Variants in GPAA1 observed in about 807,000 individuals in gnomAD.
The protein encoded by GPAA1 is glycosylphosphatidylinositol anchor attachment 1, also known as GPI-anchor transamidase component GPAA1.
Under a neutral mutation model 64.0 loss-of-function variants are expected in GPAA1, and 54 were observed. The ratio of observed to expected loss-of-function variants is 0.84; its 90% CI spans 0.68 to 1.06. The LOEUF (loss-of-function observed/expected upper bound fraction) is 1.06, where lower values mean the gene tolerates loss of function less well. Among genes scored for constraint, GPAA1 ranks in the 50% least tolerant of loss-of-function variants. GPAA1 has a pLI of 0.00. For synonymous variants in GPAA1, 393 were observed against 377.3 expected (o/e 1.04, Z -0.48); for missense variants, 780 against 822.3 (o/e 0.95, Z 0.63).
At chr8:144,082,830 G>A in intron 1 of GPAA1, 26 bp downstream of exon 1, 1 of 1,381,964 alleles carries the variant, frequency 7.2e-7, no homozygotes, top group Non-Finnish European at 9.3e-7. Context: ...GGGGAGGCGG[G>A]GACCCGAGGG....
At position 144,083,932 on chromosome 8, in the gene GPAA1, C is replaced by T. The variant is rs782435514; in HGVS notation, c.515-7C>T. The stretch of plus-strand genomic sequence containing the variant: ...CAGACCCTGCTGATCCTGCTTCTGG[C>T]CTCCAGGGCAGATTTATTGGGCCAA... On this transcript the variant is annotated splice_polypyrimidine_tract_variant and splice_region_variant and intron_variant, in intron 4 of 11. Coordinates refer to ENST00000355091, the MANE Select transcript of GPAA1 (RefSeq NM_003801.4). 6.2e-7 allele frequency: 1 copy of T among 1,613,098 alleles called. No individual in the cohort carries two copies. The highest frequency in any genetic ancestry group is 1.1e-5 in the South Asian group (1 of 91,052).
In GPAA1 at chr8:144,083,851, C is replaced by T; in HGVS notation, c.504C>T (p.Ala168=). 9 of 1,612,842 alleles carry T rather than the reference C, an allele frequency of 5.6e-6. No individual in the cohort carries two copies. Among genetic ancestry groups the T allele is most frequent in the Non-Finnish European group, 7.6e-6 (9 of 1,180,018 alleles). Reference sequence around the variant, plus strand: ...TGGGGCTGCTGCTGGCACTGGCTGCCCACTTCCGGGGTGAGTCTCAGGGCT... The same window carrying T: ...TGGGGCTGCTGCTGGCACTGGCTGCTCACTTCCGGGGTGAGTCTCAGGGCT... The part of the protein sequence containing the change: ...QAVGLLLALA[A]HFRGQIYWAK... Residue 168 remains alanine, a synonymous_variant, in exon 4 of 12, where the codon GCC becomes GCT. Transcript: ENST00000355091.
chr8:144,084,388 C>T (rs782474668), intron 6 of GPAA1, 25 bp from the exon 7 acceptor site: 1 of 1,610,466 alleles, frequency 6.2e-7, no homozygotes, highest in African/African-American at 1.3e-5. Context: ...GAGGGGCTGT[C>T]TCATCCTGTC....
In GPAA1 at chr8:144,085,350, T is replaced by C. The variant is rs1554764205; in HGVS notation, c.1322T>C (p.Leu441Pro). 6.2e-7 allele frequency: 1 copy of C among 1,610,250 alleles called. No individual in the cohort carries two copies. Among genetic ancestry groups the C allele is most frequent in the South Asian group, 1.1e-5 (1 of 90,962 alleles). ...LLISQAMGLA[L>P]YVLPVLGQHV... ...ATCTCACAGGCCATGGGACTGGCCC[T>C]CTATGTCCTGCCAGTGCTGGGCCAA... The change falls in exon 10 of 12, where the codon CTC (leucine) becomes CCC (proline). Residue 441 changes from leucine to proline, a missense_variant. Leu to Pro is a moderately conservative substitution (Grantham distance 98). Coordinates refer to ENST00000355091, the MANE Select transcript of GPAA1 (RefSeq NM_003801.4).
rs1308675369 is a variant in GPAA1 at position 144,082,774 on chromosome 8, G to T, written c.44G>T (p.Arg15Leu). 1 of 1,466,156 alleles carries T rather than the reference G, an allele frequency of 6.8e-7. No homozygotes were observed. The allele number at this position is 1,466,156 out of a possible 1,614,324, so 90.8% of individuals were successfully genotyped here. ...CCGGTTCGCCGGCGCGCGCTCGCCCGCCTAGTGCTGCGCCTCAACGCGCCG... is the reference window on the plus strand; with the variant it reads ...CCGGTTCGCCGGCGCGCGCTCGCCCTCCTAGTGCTGCGCCTCAACGCGCCG... Reference protein sequence around the residue: ...SDPVRRRALARLVLRLNAPLC... With the variant: ...SDPVRRRALALLVLRLNAPLC... Residue 15 changes from arginine (R) to leucine (L), a missense_variant, in exon 1 of 12, where the codon CGC becomes CTC. Arg to Leu is a moderately radical substitution (Grantham distance 102). Transcript: ENST00000355091.
rs377073918 is a variant in GPAA1, at chr8:144,083,517, G to A, written c.366+17G>A. ...GAGCGCTATGTACTGGGGGAGTGGG[G>A]TGTGCCTGGGCCCAGAAAGCACCTT... On this transcript the variant is annotated intron_variant, in intron 3 of 11. Transcript: ENST00000355091. 7.2e-5 allele frequency: 114 copies of A among 1,583,764 alleles called. No homozygotes were observed. Among genetic ancestry groups the A allele is most frequent in the East Asian group, 1.6e-4 (7 of 44,750 alleles).
chr8:144,086,096 C>G lies in GPAA1; in HGVS notation c.1837C>G (p.Leu613Val), dbSNP rs781834246. 1.9e-6 allele frequency: 3 copies of G among 1,613,578 alleles called. No individual in the cohort carries two copies. The highest frequency in any genetic ancestry group is 2.2e-5 in the East Asian group (1 of 44,880). Reference sequence around the variant, plus strand: ...CCTGGGCCTCTACCCCTGCTGGCTGCTTTTCTGGAATGTGCTCTTCTGGAA... The same window carrying G: ...CCTGGGCCTCTACCCCTGCTGGCTGGTTTTCTGGAATGTGCTCTTCTGGAA... The part of the protein sequence containing the change: ...LSLGLYPCWL[L>V]FWNVLFWK Residue 613 changes from leucine to valine, a missense_variant, in exon 12 of 12, where the codon CTT (leucine) becomes GTT (valine). By Grantham distance (32) the Leu-to-Val change is conservative. Transcript: ENST00000355091.
Position 144,084,669 on chromosome 8 carries a change from G to A in GPAA1, c.1011-53G>A, listed in dbSNP as rs1373074327. 2.3e-5 allele frequency: 37 copies of A among 1,608,374 alleles called. No individual in the cohort carries two copies. In the East Asian group the frequency reaches 7.8e-4, roughly 34 times the overall value. On this transcript the variant is annotated intron_variant, in intron 7 of 11. Transcript: ENST00000355091. ...GGATGGGGTCTAGCTGGAGCGGAGT[G>A]GGGGATGGCCTGGTGGCTCTGGCCA...
chr8:144,084,419 C>T lies in GPAA1; in HGVS notation c.820C>T (p.Pro274Ser). Residue 274 changes from proline to serine, a missense_variant, in exon 7 of 12, where the codon CCC becomes TCC. By Grantham distance (74) the Pro-to-Ser change is moderately conservative. Transcript: ENST00000355091. ...LLCTLQGKLQ[P>S]EDWTSLDGPL... ...CTGTCCTGCACCTCTAAAGCTGCAG[C>T]CCGAGGACTGGACATCATTGGATGG... is the stretch of plus-strand genomic sequence containing the variant. 6.2e-7 allele frequency: 1 copy of T among 1,611,386 alleles called. No individual in the cohort carries two copies. The highest frequency in any genetic ancestry group is 8.5e-7 in the Non-Finnish European group (1 of 1,178,852).
In GPAA1 at chr8:144,083,246, G is replaced by T. The variant is rs782748731; in HGVS notation, c.197G>T (p.Gly66Val). The T allele has an allele frequency of 2.4e-5, 38 of 1,607,214 alleles. No individual in the cohort carries two copies. Among genetic ancestry groups the T allele is most frequent in the Non-Finnish European group, 3.1e-5 (36 of 1,175,812 alleles). The change falls in exon 2 of 12, where the codon GGC becomes GTC. Residue 66 changes from glycine (G) to valine (V), a missense_variant. Transcript: ENST00000355091. ...ACCATGGTGGAGGAGCAGTTTGCGG[G>T]CGGAGACCGTGCCCGGGCTTTTGCC... is the stretch of plus-strand genomic sequence containing the variant. Reference protein sequence around the residue: ...GSTMVEEQFAGGDRARAFARD... With the variant: ...GSTMVEEQFAVGDRARAFARD...
At position 144,085,478 on chromosome 8, in the gene GPAA1, C is replaced by T. The variant is rs1427293259; in HGVS notation, c.1450C>T (p.Arg484Trp). The T allele has an allele frequency of 1.4e-5, 22 of 1,603,976 alleles. No individual in the cohort carries two copies. Among genetic ancestry groups the T allele is most frequent in the Middle Eastern group, 1.7e-4 (1 of 6,056 alleles). The change falls in exon 10 of 12, where the codon CGG (arginine) becomes TGG (tryptophan). Residue 484 changes from arginine to tryptophan, a missense_variant and splice_region_variant. Coordinates refer to ENST00000355091, the MANE Select transcript of GPAA1 (RefSeq NM_003801.4). ...CCTGGCCCTGCCCCACAATACCCAC[C>T]GGTAAGAGGCTGGGCTGGTTGTTGG... is the stretch of plus-strand genomic sequence containing the variant. ...AGLALPHNTH[R>W]VVSTQAPDRG...
intron 1 of GPAA1, 122 bp from the exon 2 acceptor site, chr8:144,083,002 G>A (rs1835933394): frequency 2.1e-6 from 2 of 965,414 alleles, no homozygotes; most frequent in Non-Finnish European, 1.5e-6. Context: ...GCGTCCCGAT[G>A]CAGGACTCCG....
Position 144,085,651 on chromosome 8 carries a change from G to A in GPAA1, c.1530G>A (p.Leu510=). Residue 510 remains leucine, a synonymous_variant, in exon 11 of 12, where the codon CTG becomes CTA. Coordinates refer to ENST00000355091, the MANE Select transcript of GPAA1 (RefSeq NM_003801.4). The part of the protein sequence containing the change: ...LVALIYLALQ[L]GCIALTNFSL... ...CCCTGATCTACCTAGCACTGCAGCT[G>A]GGCTGCATCGCCCTCACCAACTTCT... 1.2e-6 allele frequency: 2 copies of A among 1,613,348 alleles called. No individual in the cohort carries two copies. Among genetic ancestry groups the A allele is most frequent in the Non-Finnish European group, 1.7e-6 (2 of 1,179,466 alleles).
At position 144,082,696 on chromosome 8, in the gene GPAA1, G is replaced by A. The variant is rs1168329481; in HGVS notation, c.-35G>A. 4.2e-6 allele frequency: 6 copies of A among 1,427,194 alleles called. No individual in the cohort carries two copies. The African/African-American group carries it at 4.5e-5, about 11-fold the overall frequency. 88.4% of individuals were successfully genotyped at this position (1,427,194 alleles called of 1,614,324 possible). On this transcript the variant is annotated 5_prime_UTR_variant, in exon 1 of 12. Transcript: ENST00000355091. ...GGCACCGCGGCGGTAGTTGGAGGCG[G>A]GAGAGGGTCCGTAGCCGCGCCGCCC...
rs1451627398 is a variant in GPAA1 at position 144,085,930 on chromosome 8, C to T, written c.1671C>T (p.Leu557=). 6.2e-7 allele frequency: 1 copy of T among 1,610,346 alleles called. No individual in the cohort carries two copies. Among genetic ancestry groups the T allele is most frequent in the African/African-American group, 1.3e-5 (1 of 75,062 alleles). The change falls in exon 12 of 12, where the codon CTC becomes CTT. Residue 557 remains leucine, a synonymous_variant. Coordinates refer to ENST00000355091, the MANE Select transcript of GPAA1 (RefSeq NM_003801.4). ...TGCTGACCAGCCCGGCAGCCACGCT[C>T]CTTGGCAGCCTGTTCCTGTGGCGGG... ...LLVLTSPAAT[L]LGSLFLWREL... is the part of the protein sequence containing the mutation.
intron 7 of GPAA1, 41 bp from the exon 8 acceptor site, chr8:144,084,681 G>C: frequency 6.2e-7 from 1 of 1,610,040 alleles, no homozygotes; most frequent in Non-Finnish European, 8.5e-7. Context: ...GGGATGGCCT[G>C]GTGGCTCTGG....
chr8:144,083,701 A>G lies in GPAA1; in HGVS notation c.367-13A>G, dbSNP rs1835945856. 1 of 1,597,174 alleles carries G rather than the reference A, an allele frequency of 6.3e-7. No individual in the cohort carries two copies. Among genetic ancestry groups the G allele is most frequent in the Non-Finnish European group, 8.5e-7 (1 of 1,175,716 alleles). On this transcript the variant is annotated splice_polypyrimidine_tract_variant and intron_variant, in intron 3 of 11. Coordinates refer to ENST00000355091, the MANE Select transcript of GPAA1 (RefSeq NM_003801.4). ...AGTTACACTGAGGCTCCCCCCACCG[A>G]TGCTGCATACAGATGGTGTCGGGCA...
chr8:144,083,220 C>T lies in GPAA1; in HGVS notation c.171C>T (p.Ser57=). ...ACATGTCGGAGAACGCCATGGGCTC[C>T]ACCATGGTGGAGGAGCAGTTTGCGG... ...RTYMSENAMG[S]TMVEEQFAGG... Residue 57 remains serine, a synonymous_variant, in exon 2 of 12, where the codon TCC becomes TCT. Transcript: ENST00000355091. The T allele has an allele frequency of 6.2e-7, 1 of 1,611,650 alleles. No individual in the cohort carries two copies. The highest frequency in any genetic ancestry group is 8.5e-7 in the Non-Finnish European group (1 of 1,178,816).
intron 3 of GPAA1, 63 bp from the exon 4 acceptor site, chr8:144,083,651 G>A (rs1587592132): frequency 2.0e-6 from 3 of 1,519,570 alleles, no homozygotes; most frequent in East Asian, 2.3e-5. Flanking sequence ...AAAGTTGTGG[G>A]GGGCCCTTCA....
Sources: gnomAD v4.1 joint callset for allele counts on GRCh38, gnomAD v4.1.1 for gene constraint, MANE v1.5 for transcripts, NCBI Gene and HGNC (gene_info 2026-07-23, HGNC 2026-07-21) for gene names.